The following ABHD12 variants were observed in gnomAD, a reference collection of about 807,000 sequenced individuals.
The protein encoded by ABHD12 is lysophosphatidylserine lipase ABHD12.
ABHD12 carries 43 observed loss-of-function variants against 58.3 expected under a neutral mutation model. The ratio of observed to expected loss-of-function variants is 0.74; its 90% CI spans 0.58 to 0.95. The LOEUF (loss-of-function observed/expected upper bound fraction) is 0.95, where lower values mean the gene tolerates loss of function less well. Among genes scored for constraint, ABHD12 ranks in the 40% least tolerant of loss-of-function variants. The pLI is 0.00. For synonymous variants in ABHD12, 219 were observed against 211.2 expected (o/e 1.04, Z -0.32); for missense variants, 539 against 537.2 (o/e 1.00, Z -0.03).
At chr20:25,296,946 C>A, downstream of ABHD12, 1 of 169,472 alleles carries the variant, frequency 5.9e-6, no homozygotes, top group Non-Finnish European at 1.3e-5. Flanking sequence ...GTTACTGCAG[C>A]ATCTGGGCTG....
chr20:25,390,710 G>T lies in ABHD12; in HGVS notation c.-7C>A. 7.3e-7 allele frequency: 1 copy of T among 1,366,074 alleles called. No homozygotes were observed. 84.6% of individuals were successfully genotyped at this position (1,366,074 alleles called of 1,614,324 possible). On this transcript the variant is annotated 5_prime_UTR_variant, in exon 1 of 13. Transcript: ENST00000339157. ...GCTCGGTCCGCTTCCTCATCCCGCG[G>T]CCGACAGGGCCAGCCGCCGACGGCG...
rs572632069 is a variant in ABHD12 at position 25,372,428 on chromosome 20, C to A, written c.191+18085G>T. On this transcript the variant is annotated intron_variant, in intron 1 of 12. Coordinates refer to ENST00000339157, the MANE Select transcript of ABHD12 (RefSeq NM_001042472.3). Reference sequence around the variant, plus strand: ...CTATGTTTCCCAGGCTGGACTGGAACTCCTGGGCTCAAGTGATCCTTCCAT... The same window carrying A: ...CTATGTTTCCCAGGCTGGACTGGAAATCCTGGGCTCAAGTGATCCTTCCAT... Among the ~76,000 whole-genome samples the A allele has an allele frequency of 3.3e-5, 5 of 152,238 alleles. No individual in the cohort carries two copies. In the East Asian group the frequency reaches 7.7e-4, roughly 24 times the overall value.
intron 10 of ABHD12, among the ~76,000 whole-genome samples, chr20:25,305,258 T>C (rs1033756464): frequency 1.3e-5 from 2 of 152,268 alleles, no homozygotes; most frequent in Non-Finnish European, 2.9e-5. Context: ...TAATTTGTTC[T>C]ATTTTTATTT....
At chr20:25,316,872 C>T (rs1020881268) in intron 5 of ABHD12, among the ~76,000 whole-genome samples, 176 bp downstream of exon 5, 11 of 152,186 alleles carry the variant, frequency 7.2e-5, no homozygotes, top group African/African-American at 2.2e-4. Flanking sequence ...CGCTGCAGTG[C>T]GCTGTGACTG....
intron 6 of ABHD12, among the ~76,000 whole-genome samples, chr20:25,314,670 T>G (rs1255812864): frequency 1.4e-5 from 2 of 146,444 alleles, no homozygotes; most frequent in African/African-American, 2.5e-5. Flanking sequence ...CAAAGTGAGA[T>G]CCTATCTTAA....
intron 9 of ABHD12, among the ~76,000 whole-genome samples, chr20:25,307,761 A>C (rs1320381561): frequency 2.0e-5 from 3 of 152,240 alleles, no homozygotes; most frequent in African/African-American, 7.2e-5. Flanking sequence ...TGACCCAATT[A>C]TGACCTGTCA....
At chr20:25,356,522 G>A (rs2089670300) in intron 1 of ABHD12, among the ~76,000 whole-genome samples, 1 of 152,256 alleles carries the variant, frequency 6.6e-6, no homozygotes, top group Admixed American at 6.5e-5. Flanking sequence ...AGGGAGTGTG[G>A]CAGAGGTGCC....
chr20:25,317,049 T>C lies in ABHD12; in HGVS notation c.572A>G (p.Lys191Arg), dbSNP rs1469665660. 5.0e-6 allele frequency: 8 copies of C among 1,612,882 alleles called. No individual in the cohort carries two copies. The highest frequency in any genetic ancestry group is 2.7e-5 in the African/African-American group (2 of 74,888). ...GGTGTGGGTGCTGCCTGCACTCACC[T>C]TGTAAAGCTCCACGCGGTGGTCGCC... ...RGGDHRVELY[K>R]VLSSLGYHVV... Residue 191 changes from lysine to arginine, a missense_variant and splice_region_variant, in exon 5 of 13, where the codon AAG (lysine) becomes AGG (arginine). Physicochemically the swap from Lys to Arg is conservative, Grantham distance 26. Transcript: ENST00000339157.
chr20:25,372,744 C>T (rs1233636675), intron 1 of ABHD12, among the ~76,000 whole-genome samples: 2 of 152,212 alleles, frequency 1.3e-5, no homozygotes, highest in African/African-American at 4.8e-5. Flanking sequence ...TGCCTAATGT[C>T]ATGGCTGTAG....
downstream of ABHD12, chr20:25,295,756 GAGT>G: frequency 6.9e-7 from 1 of 1,439,042 alleles, no homozygotes; most frequent in Non-Finnish European, 9.8e-7. Context: ...TTCCCAAGCT[GAGT>G]AGATTCTTGG....
chr20:25,330,435 G>A (rs948623830), intron 2 of ABHD12, among the ~76,000 whole-genome samples: 11 of 152,274 alleles, frequency 7.2e-5, no homozygotes, highest in Non-Finnish European at 1.6e-4. Flanking sequence ...AAAGCAGCCA[G>A]GAAGCTCAAA....
intron 1 of ABHD12, among the ~76,000 whole-genome samples, chr20:25,348,800 T>C (rs956668581): frequency 3.9e-5 from 6 of 152,086 alleles, no homozygotes; most frequent in South Asian, 2.1e-4. Flanking sequence ...CAAATAGATA[T>C]TGGCGGTTGC....
At chr20:25,364,831 C>T (rs1275489356) in intron 1 of ABHD12, among the ~76,000 whole-genome samples, 6 of 152,166 alleles carry the variant, frequency 3.9e-5, no homozygotes, top group Non-Finnish European at 7.3e-5. Flanking sequence ...ACTCTCACAC[C>T]GCCAATGGGA....
intron 1 of ABHD12, among the ~76,000 whole-genome samples, chr20:25,352,031 G>A (rs763880223): frequency 6.6e-6 from 1 of 152,098 alleles, no homozygotes; most frequent in African/African-American, 2.4e-5. Flanking sequence ...TCTCTCTGAA[G>A]CCCAGGCTGG....
chr20:25,359,395 G>T (rs1253606181), intron 1 of ABHD12, among the ~76,000 whole-genome samples: 1 of 128,850 alleles, frequency 7.8e-6, no homozygotes, highest in Non-Finnish European at 1.6e-5. Flanking sequence ...CTGCACTCCC[G>T]CCTGGGCCAC....
intron 1 of ABHD12, among the ~76,000 whole-genome samples, chr20:25,367,778 G>C (rs1232510114): frequency 6.6e-6 from 1 of 152,158 alleles, no homozygotes; most frequent in Non-Finnish European, 1.5e-5. Context: ...ACCACATTTT[G>C]CTTATCCATT....
At chr20:25,390,365 G>C (rs1045548483) in intron 1 of ABHD12, 148 bp downstream of exon 1, 1 of 816,150 alleles carries the variant, frequency 1.2e-6, no homozygotes, top group Non-Finnish European at 1.7e-6. Flanking sequence ...GGCCAAATGC[G>C]GGACACAGGC....
chr20:25,385,689 T>TTAAA (rs34510294), intron 1 of ABHD12, among the ~76,000 whole-genome samples: 153 of 150,670 alleles, frequency 1.0e-3, no homozygotes, highest in Non-Finnish European at 1.6e-3. Flanking sequence ...ACCAAAAAAT[T>TTAAA]TAAATAAATA....
intron 1 of ABHD12, among the ~76,000 whole-genome samples, chr20:25,386,105 AAAT>A (rs573746312): frequency 4.0e-5 from 6 of 151,342 alleles, no homozygotes; most frequent in Non-Finnish European, 7.4e-5. Context: ...CGTCTCAAAA[AAAT>A]AATAATAATA....
Sources: allele counts gnomAD v4.1 joint callset (sites outside exome capture counted in the v4.1 genomes callset), GRCh38; gene constraint gnomAD v4.1.1; transcripts MANE v1.5; gene names NCBI Gene and HGNC (gene_info 2026-07-23, HGNC 2026-07-21).